Variants in PDHX observed in about 807,000 individuals in gnomAD.
The protein encoded by PDHX is pyruvate dehydrogenase protein X component, mitochondrial.
A neutral mutation model predicts 55.3 loss-of-function variants in PDHX; 33 were observed. The ratio of observed to expected loss-of-function variants is 0.60; its 90% CI spans 0.45 to 0.80. The LOEUF is 0.80. Among genes scored for constraint, PDHX ranks in the 30% least tolerant of loss-of-function variants. The pLI is 0.00. For synonymous variants in PDHX, 226 were observed against 219.4 expected (o/e 1.03, Z -0.27); for missense variants, 622 against 619.9 (o/e 1.00, Z -0.04).
intron 2 of PDHX, among the ~76,000 whole-genome samples, chr11:34,935,734 T>C (rs1435806255): frequency 6.6e-6 from 1 of 152,216 alleles, no homozygotes; most frequent in Non-Finnish European, 1.5e-5. Flanking sequence ...GCCATTATTA[T>C]GCGTCATCTG....
chr11:34,918,503 C>G (rs1266101968), intron 1 of PDHX, among the ~76,000 whole-genome samples: 1 of 151,780 alleles, frequency 6.6e-6, no homozygotes, highest in Non-Finnish European at 1.5e-5. Flanking sequence ...GTTAGGCAAG[C>G]AATCCTTATC....
intron 8 of PDHX, among the ~76,000 whole-genome samples, chr11:34,982,179 T>G (rs1432464400): frequency 2.6e-5 from 4 of 152,188 alleles, no homozygotes; most frequent in Admixed American, 2.6e-4. Context: ...AATTTTTGTA[T>G]AAGGTGTAAG....
At chr11:34,960,744 C>G (rs1212340319) in intron 5 of PDHX, among the ~76,000 whole-genome samples, 1 of 152,088 alleles carries the variant, frequency 6.6e-6, no homozygotes, top group East Asian at 1.9e-4. Flanking sequence ...GGTAACTAAG[C>G]AAGATCCTTA....
chr11:34,968,467 T>C (rs538246993), intron 6 of PDHX, among the ~76,000 whole-genome samples: 1 of 152,248 alleles, frequency 6.6e-6, no homozygotes, highest in South Asian at 2.1e-4. Flanking sequence ...AATCCCAAAA[T>C]AGAGTGAAGG....
At chr11:34,963,559 C>T (rs1466756588) in intron 5 of PDHX, among the ~76,000 whole-genome samples, 1 of 152,184 alleles carries the variant, frequency 6.6e-6, no homozygotes, top group Non-Finnish European at 1.5e-5. Context: ...GGAATGCAGA[C>T]GTGAGCCACT....
At chr11:34,979,272 G>A (rs1855452462) in intron 8 of PDHX, among the ~76,000 whole-genome samples, 1 of 152,086 alleles carries the variant, frequency 6.6e-6, no homozygotes, top group Admixed American at 6.6e-5. Flanking sequence ...CATTTGAGGA[G>A]CCTAACAGAT....
chr11:34,921,601 AT>A (rs1242954427), intron 1 of PDHX, among the ~76,000 whole-genome samples: 3 of 152,160 alleles, frequency 2.0e-5, no homozygotes, highest in Non-Finnish European at 4.4e-5. Flanking sequence ...GTAATGCAGT[AT>A]TTTATTTTAT....
At chr11:34,987,626 C>G (rs1327436439) in intron 9 of PDHX, among the ~76,000 whole-genome samples, 1 of 151,834 alleles carries the variant, frequency 6.6e-6, no homozygotes, top group African/African-American at 2.4e-5. Flanking sequence ...TAAACGGTGG[C>G]TTAAAAACTA....
upstream of PDHX, chr11:34,916,177 G>C (rs780056321): frequency 6.3e-7 from 1 of 1,581,834 alleles, no homozygotes; most frequent in Non-Finnish European, 8.6e-7. Context: ...GCCGGGTCCC[G>C]CCTGGGCCTC....
At chr11:34,986,767 A>G (rs1855654352) in intron 9 of PDHX, among the ~76,000 whole-genome samples, 1 of 152,164 alleles carries the variant, frequency 6.6e-6, no homozygotes, top group East Asian at 1.9e-4. Flanking sequence ...GGGCAGTCAT[A>G]CCACTTTGGA....
intron 2 of PDHX, among the ~76,000 whole-genome samples, chr11:34,939,997 C>T (rs978977812): frequency 6.6e-6 from 1 of 152,030 alleles, no homozygotes; most frequent in African/African-American, 2.4e-5. Flanking sequence ...GTTTAAACTG[C>T]ACCTAGTTTA....
chr11:34,941,091 GA>G (rs1471394270), intron 2 of PDHX, among the ~76,000 whole-genome samples: 2 of 152,178 alleles, frequency 1.3e-5, no homozygotes, highest in Non-Finnish European at 2.9e-5. Context: ...AAGCCAGAGG[GA>G]TGTGTGGGTG....
At chr11:34,983,870 A>G (rs142562309) in intron 8 of PDHX, among the ~76,000 whole-genome samples, 7,640 of 152,280 alleles carry the variant, frequency 0.05, 268 homozygotes, top group African/African-American at 0.096. Flanking sequence ...TATAGATTCA[A>G]TGCCATCCCC....
chr11:34,952,633 T>C (rs1319128850), intron 3 of PDHX, among the ~76,000 whole-genome samples: 1 of 151,802 alleles, frequency 6.6e-6, no homozygotes, highest in African/African-American at 2.4e-5. Flanking sequence ...TTTGACAAAA[T>C]TCAACAACCC....
chr11:34,982,190 G>A (rs1196041064), intron 8 of PDHX, among the ~76,000 whole-genome samples: 1 of 152,158 alleles, frequency 6.6e-6, no homozygotes, highest in African/African-American at 2.4e-5. Flanking sequence ...AAGGTGTAAG[G>A]AAGAGTTCCA....
chr11:34,995,598 C>G lies in PDHX; in HGVS notation c.*426C>G, dbSNP rs1387908305. 2 of 247,804 alleles carry G rather than the reference C, an allele frequency of 8.1e-6. No individual in the cohort carries two copies. The highest frequency in any genetic ancestry group is 4.6e-5 in the African/African-American group (2 of 43,212). 15.4% of individuals were successfully genotyped at this position (247,804 alleles called of 1,614,324 possible). Reference sequence around the variant, plus strand: ...TGATCTTCAAAGAGATGGCCATTAACTTAGCAGTGGGACCTCACTTTTACA... The same window carrying G: ...TGATCTTCAAAGAGATGGCCATTAAGTTAGCAGTGGGACCTCACTTTTACA... On this transcript the variant is annotated 3_prime_UTR_variant, in exon 11 of 11. Transcript: ENST00000227868.
At chr11:34,916,319 C>G (rs764971293), upstream of PDHX, 14 of 1,608,684 alleles carry the variant, frequency 8.7e-6, no homozygotes, top group Non-Finnish European at 1.1e-5. Flanking sequence ...CCTCCAATCT[C>G]CGCACGGCTT....
chr11:34,916,682 T>G lies in PDHX; in HGVS notation c.27T>G (p.Cys9Trp), dbSNP rs1590721485. 1.2e-6 allele frequency: 2 copies of G among 1,611,678 alleles called. No homozygotes were observed. The highest frequency in any genetic ancestry group is 2.7e-5 in the African/African-American group (2 of 75,026). The part of the protein sequence containing the change: MAASWRLG[C>W]DPRLLRYLVG... ...TGGCGGCCTCCTGGAGGCTGGGCTG[T>G]GATCCGCGGCTGCTGCGTTATCTTG... The change falls in exon 1 of 11, where the codon TGT becomes TGG. Residue 9 changes from cysteine to tryptophan, a missense_variant. Transcript: ENST00000227868.
chr11:34,960,384 T>G, intron 4 of PDHX, 36 bp from the exon 5 acceptor site: 1 of 1,285,854 alleles, frequency 7.8e-7, no homozygotes. Context: ...ATGTAAGTGT[T>G]AATTGGTTCT....
Sources: gnomAD v4.1 joint callset for allele counts (sites outside exome capture counted in the v4.1 genomes callset) on GRCh38, gnomAD v4.1.1 for gene constraint, MANE v1.5 for transcripts, NCBI Gene and HGNC (gene_info 2026-07-23, HGNC 2026-07-21) for gene names.